PTPRT: variants seen among roughly 807,000 people sequenced by gnomAD.
PTPRT encodes the protein receptor-type tyrosine-protein phosphatase T.
Under a neutral mutation model 176.8 loss-of-function variants are expected in PTPRT, and 56 were observed. The ratio of observed to expected loss-of-function variants is 0.32; its 90% CI spans 0.26 to 0.40. The LOEUF (loss-of-function observed/expected upper bound fraction) is 0.40. Ranked by LOEUF, PTPRT falls within the 10% of genes least tolerant of loss-of-function variation. The pLI, the probability that PTPRT is intolerant of heterozygous loss-of-function variation, is 1.00. For synonymous variants in PTPRT, 783 were observed against 739.0 expected, an observed-to-expected ratio of 1.06 and a Z score of -0.96; for missense variants, 1,540 against 1,908.2, an observed-to-expected ratio of 0.81 and a Z score of 3.60.
intron 1 of PTPRT, among the ~76,000 whole-genome samples, chr20:43,032,018 G>A (rs956678386): frequency 6.6e-6 from 1 of 152,146 alleles, no homozygotes; most frequent in African/African-American, 2.4e-5. Flanking sequence ...GAGATTTGGG[G>A]CAGAACGGCC....
At chr20:42,831,040 C>T (rs2078075484) in intron 2 of PTPRT, among the ~76,000 whole-genome samples, 1 of 152,172 alleles carries the variant, frequency 6.6e-6, no homozygotes, top group Admixed American at 6.5e-5. Context: ...TTTTAATATT[C>T]ATATGGAACC....
At chr20:43,004,233 A>G (rs1984737608) in intron 1 of PTPRT, among the ~76,000 whole-genome samples, 1 of 152,076 alleles carries the variant, frequency 6.6e-6, no homozygotes, top group Non-Finnish European at 1.5e-5. Context: ...ATTATCTACA[A>G]TGTACAAAGA....
In PTPRT at chr20:42,622,134, C is replaced by T. The variant is rs186076336; in HGVS notation, c.1153+55732G>A. ...CTCTACCTTAGAAAATATATTGTTC[C>T]TCTACCAGTGTCCTGGCATATGGAG... On this transcript the variant is annotated intron_variant, in intron 7 of 30. Coordinates refer to ENST00000373187, the MANE Select transcript of PTPRT (RefSeq NM_007050.6). Among the ~76,000 whole-genome samples, 168 of 152,310 alleles carry T rather than the reference C, an allele frequency of 1.1e-3. 2 individuals carry two copies. Among genetic ancestry groups the T allele is most frequent in the African/African-American group, 3.8e-3 (159 of 41,574 alleles).
intron 2 of PTPRT, among the ~76,000 whole-genome samples, chr20:42,837,025 G>C (rs530220948): frequency 3.5e-4 from 54 of 152,306 alleles, no homozygotes; most frequent in African/African-American, 1.2e-3. Context: ...CGCACCGCAT[G>C]GTTTCCCTAA....
intron 1 of PTPRT, among the ~76,000 whole-genome samples, chr20:43,088,369 T>TGTGTGTGTG (rs1304609248): frequency 6.6e-6 from 1 of 151,748 alleles, no homozygotes; most frequent in East Asian, 1.9e-4. Context: ...TGTGTGTGTG[T>TGTGTGTGTG]GTGTGTGTGT....
intron 6 of PTPRT, among the ~76,000 whole-genome samples, chr20:42,689,915 A>G (rs1460502976): frequency 6.6e-6 from 1 of 152,166 alleles, no homozygotes; most frequent in Admixed American, 6.5e-5. Flanking sequence ...CTCCAATGCT[A>G]TAAGATCATA....
intron 7 of PTPRT, chr20:42,606,952 C>T (rs1236544598): frequency 6.6e-6 from 1 of 152,080 alleles, no homozygotes; most frequent in Admixed American, 6.5e-5. Flanking sequence ...AACCCAAGTG[C>T]TCATGGATGA....
At chr20:42,366,943 C>G (rs759021224) in intron 9 of PTPRT, among the ~76,000 whole-genome samples, 44 of 152,188 alleles carry the variant, frequency 2.9e-4, no homozygotes, top group Non-Finnish European at 1.0e-4. Flanking sequence ...GGCTTTGAGA[C>G]GTTGCCTTTT....
intron 1 of PTPRT, among the ~76,000 whole-genome samples, chr20:42,938,536 G>A (rs1180331701): frequency 6.6e-5 from 10 of 152,072 alleles, no homozygotes; most frequent in Non-Finnish European, 1.2e-4. Context: ...CACTGAAGAA[G>A]AAAGAGTTTG....
downstream of PTPRT, among the ~76,000 whole-genome samples, chr20:42,071,615 C>T (rs960066690): frequency 6.6e-6 from 1 of 152,128 alleles, no homozygotes; most frequent in East Asian, 1.9e-4. Flanking sequence ...GCATCAGGAA[C>T]CACTGGTTTC....
chr20:42,331,805 T>C (rs1007407757), intron 11 of PTPRT, among the ~76,000 whole-genome samples: 2 of 152,150 alleles, frequency 1.3e-5, no homozygotes, highest in Admixed American at 6.5e-5. Flanking sequence ...TTCTTATATA[T>C]ACCAAATTCC....
intron 29 of PTPRT, among the ~76,000 whole-genome samples, chr20:42,082,917 C>T (rs2146098179): frequency 6.6e-6 from 1 of 152,222 alleles, no homozygotes; most frequent in South Asian, 2.1e-4. Context: ...ATCTACAGGA[C>T]ATGCAGTGAC....
chr20:42,078,087 C>T lies in PTPRT; in HGVS notation c.*2792G>A, dbSNP rs536383501. On this transcript the variant is annotated 3_prime_UTR_variant, in exon 31 of 31. Transcript: ENST00000373187. The stretch of plus-strand genomic sequence containing the variant: ...GCCAGCTGGGGCATTGGGCTGGAGC[C>T]GAGGGAGGCCAGCAGGCCCAGTGGG... 17 of 187,226 alleles carry T rather than the reference C, an allele frequency of 9.1e-5. No individual in the cohort carries two copies. In the South Asian group the frequency reaches 1.4e-3, roughly 15 times the overall value. The allele number at this position is 187,226 out of a possible 1,614,324, so 11.6% of individuals were successfully genotyped here.
At chr20:42,907,503 C>T (rs1424503423) in intron 1 of PTPRT, among the ~76,000 whole-genome samples, 3 of 151,910 alleles carry the variant, frequency 2.0e-5, no homozygotes, top group Admixed American at 1.3e-4. Flanking sequence ...TTGGAGGACG[C>T]GACACAATTT....
chr20:43,086,756 C>T (rs768351324), intron 1 of PTPRT, among the ~76,000 whole-genome samples: 7 of 152,134 alleles, frequency 4.6e-5, no homozygotes, highest in Non-Finnish European at 5.9e-5. Context: ...TGAATAAAAC[C>T]TAGCAGGCTT....
At chr20:43,178,610 G>A (rs1404759740) in intron 1 of PTPRT, among the ~76,000 whole-genome samples, 1 of 152,164 alleles carries the variant, frequency 6.6e-6, no homozygotes, top group East Asian at 1.9e-4. Flanking sequence ...CACTGAAATG[G>A]CTTTGAGCTC....
chr20:43,063,343 G>A (rs1048305683), intron 1 of PTPRT: 1 of 152,178 alleles, frequency 6.6e-6, no homozygotes, highest in Non-Finnish European at 1.5e-5. Context: ...AGGGCAATCT[G>A]GCTGCGACAT....
chr20:42,830,580 T>C (rs1346653108), intron 2 of PTPRT, among the ~76,000 whole-genome samples: 2 of 152,198 alleles, frequency 1.3e-5, no homozygotes, highest in African/African-American at 4.8e-5. Flanking sequence ...CAACATAGCA[T>C]TGGAAGCCCT....
At chr20:42,572,491 G>C (rs1231331571) in intron 7 of PTPRT, among the ~76,000 whole-genome samples, 1 of 151,612 alleles carries the variant, frequency 6.6e-6, no homozygotes, top group African/African-American at 2.4e-5. Context: ...TTTACTCCAG[G>C]GCCCTGGCAC....
Sources: gnomAD v4.1 joint callset for allele counts (sites outside exome capture counted in the v4.1 genomes callset) on GRCh38, gnomAD v4.1.1 for gene constraint, MANE v1.5 for transcripts, NCBI Gene and HGNC (gene_info 2026-07-23, HGNC 2026-07-21) for gene names.